The following ASS1 variants were observed in gnomAD, a reference collection of about 807,000 sequenced individuals.
ASS1 encodes argininosuccinate synthase.
ASS1 carries 58 observed loss-of-function variants against 60.5 expected under a neutral mutation model. The ratio of observed to expected loss-of-function variants is 0.96; its 90% confidence interval spans 0.78 to 1.19. The LOEUF is 1.19. ASS1 is among the 50% of genes most tolerant of loss of function. The probability of loss-of-function intolerance (pLI) is 0.00; values close to 1 mark genes in which losing one functional copy is unlikely to be tolerated. For missense variants in ASS1, 454 were observed against 547.3 expected (o/e 0.83, Z 1.70); for synonymous variants, 200 against 206.9 (o/e 0.97, Z 0.29).
intron 12 of ASS1, among the ~76,000 whole-genome samples, chr9:130,490,139 T>C (rs1305700722): frequency 6.6e-6 from 1 of 152,190 alleles, no homozygotes. Context: ...GTTTTGCAGG[T>C]GAGGAGCCCG....
In ASS1 at chr9:130,477,307, T is replaced by C. The variant is rs1036390836; in HGVS notation, c.688+346T>C. 1.4e-4 allele frequency among the ~76,000 whole-genome samples: 21 copies of C among 152,236 alleles called. No individual in the cohort carries two copies. The highest frequency in any genetic ancestry group is 4.8e-4 in the African/African-American group (20 of 41,550). On this transcript the variant is annotated intron_variant, in intron 9 of 14. Transcript: ENST00000352480. This position sits in a 1 kb window ranked among gnomAD's most constrained non-coding sequence, Gnocchi z 4.2. ...TCTGAGGATGAAAGAGTGCCTGCTG[T>C]TTTCCTGGGGTAGAATGAGGCCTGC... is the stretch of plus-strand genomic sequence containing the variant.
At chr9:130,492,768 G>A (rs1240344694) in intron 12 of ASS1, among the ~76,000 whole-genome samples, 1 of 152,232 alleles carries the variant, frequency 6.6e-6, no homozygotes, top group East Asian at 1.9e-4. Context: ...GCTGGGCCTA[G>A]CAGCACGGGG....
Position 130,458,484 on chromosome 9 carries a change from C to T in ASS1, c.258C>T (p.Arg86=). ...AGTCCAGCGCACTGTATGAGGACCG[C>T]TACCTCCTGGGCACCTCTCTTGCCA... ...AIQSSALYED[R]YLLGTSLARP... Residue 86 remains arginine, a synonymous_variant, in exon 4 of 15, where the codon CGC becomes CGT. Transcript: ENST00000352480. 1.2e-6 allele frequency: 2 copies of T among 1,612,640 alleles called. No homozygotes were observed. Among genetic ancestry groups the T allele is most frequent in the Non-Finnish European group, 1.7e-6 (2 of 1,179,874 alleles).
Position 130,487,743 on chromosome 9 carries a change from T to C in ASS1, c.839-1590T>C, listed in dbSNP as rs1020396716. On this transcript the variant is annotated intron_variant, in intron 11 of 14. Transcript: ENST00000352480. ...CCTTATGTTGATGCTGTGGCATGTG[T>C]CAGGATTTCCTTCCTTTTTTTTTTT... Among the ~76,000 whole-genome samples, 67 of 131,862 alleles carry C rather than the reference T, an allele frequency of 5.1e-4. 1 individual carries two copies. The highest frequency in any genetic ancestry group is 1.5e-4 in the Non-Finnish European group (9 of 60,192). 86.5% of individuals were successfully genotyped at this position (131,862 alleles called of 152,430 possible).
At chr9:130,474,961 A>G (rs1332671984) in intron 8 of ASS1, among the ~76,000 whole-genome samples, 3 of 152,200 alleles carry the variant, frequency 2.0e-5, no homozygotes, top group Non-Finnish European at 4.4e-5. Flanking sequence ...TGCCCCACAA[A>G]TGGGCACTGA....
chr9:130,471,383 AG>A, intron 7 of ASS1, 101 bp from the exon 8 acceptor site: 3 of 1,446,700 alleles, frequency 2.1e-6, no homozygotes, highest in African/African-American at 2.8e-5. Flanking sequence ...AGAGAGTAAA[AG>A]GCAGACCAGG....
rs1488245146 is a variant in ASS1, at chr9:130,471,372, CAG to C, written c.567-108_567-107del. ...GGCAGGTTGGCAGCAGATGCTCTGG[CAG>C]AGAGTAAAAGGCAGACCAGGCTCAT... On this transcript the variant is annotated intron_variant, in intron 7 of 14. Coordinates refer to ENST00000352480, the MANE Select transcript of ASS1 (RefSeq NM_054012.4). The C allele has an allele frequency of 6.7e-6, 9 of 1,348,350 alleles. No homozygotes were observed. In the East Asian group the frequency reaches 2.1e-4, roughly 31 times the overall value. The allele number at this position is 1,348,350 out of a possible 1,614,324, so 83.5% of individuals were successfully genotyped here. A position where few individuals can be genotyped will look rare whatever the true frequency, so the allele number is the denominator to read the frequency against.
chr9:130,465,354 A>G (rs1442369007), intron 5 of ASS1, among the ~76,000 whole-genome samples: 2 of 152,258 alleles, frequency 1.3e-5, no homozygotes, highest in Non-Finnish European at 2.9e-5. Context: ...AAATGAAACA[A>G]GTGACATGAT....
rs1469854111 is a variant in ASS1 at position 130,459,420 on chromosome 9, G to A, written c.363+831G>A. On this transcript the variant is annotated intron_variant, in intron 4 of 14. Transcript: ENST00000352480. This position sits in a 1 kb window ranked among gnomAD's most constrained non-coding sequence, Gnocchi z 4.6. Reference sequence around the variant, plus strand: ...CCTTCAATGACCTCATCTTAACTTGGTTACTTTTTGTGTGTGTGTGTGGGG... The same window carrying A: ...CCTTCAATGACCTCATCTTAACTTGATTACTTTTTGTGTGTGTGTGTGGGG... Among the ~76,000 whole-genome samples, 1 of 151,880 alleles carries A rather than the reference G, an allele frequency of 6.6e-6. No homozygotes were observed. The highest frequency in any genetic ancestry group is 1.5e-5 in the Non-Finnish European group (1 of 67,998).
intron 2 of ASS1, among the ~76,000 whole-genome samples, chr9:130,452,780 G>T (rs1845355695): frequency 1.3e-5 from 2 of 152,178 alleles, no homozygotes; most frequent in Non-Finnish European, 2.9e-5. Flanking sequence ...TTCTGGGATG[G>T]GAAATAGGTC....
At chr9:130,466,850 C>G in intron 6 of ASS1, 51 bp downstream of exon 6, 1 of 1,583,616 alleles carries the variant, frequency 6.3e-7, no homozygotes, top group South Asian at 1.1e-5. Context: ...AGCCCCCTTC[C>G]CGGGCACGTC....
intron 4 of ASS1, among the ~76,000 whole-genome samples, chr9:130,463,106 T>A (rs543521882): frequency 6.6e-6 from 1 of 152,358 alleles, no homozygotes; most frequent in East Asian, 1.9e-4. Flanking sequence ...CCCTGGATTC[T>A]GTGCCACCTG....
chr9:130,466,252 C>G (rs1845739841), intron 5 of ASS1, among the ~76,000 whole-genome samples: 1 of 152,168 alleles, frequency 6.6e-6, no homozygotes, highest in African/African-American at 2.4e-5. Flanking sequence ...AGTCTTCCCC[C>G]ACTTCTTTCC....
At chr9:130,449,831 A>G (rs1030853966) in intron 1 of ASS1, among the ~76,000 whole-genome samples, 7 of 152,158 alleles carry the variant, frequency 4.6e-5, no homozygotes, top group Non-Finnish European at 1.0e-4. Context: ...AACTTGCTAA[A>G]TTGGACACAA....
chr9:130,480,304 C>A, intron 10 of ASS1, 81 bp from the exon 11 acceptor site: 1 of 1,502,930 alleles, frequency 6.7e-7, no homozygotes, highest in South Asian at 1.1e-5. Flanking sequence ...AAGCTGTGCC[C>A]ACCCTGGGAC....
chr9:130,464,599 A>G (rs1359793146), intron 5 of ASS1, among the ~76,000 whole-genome samples: 1 of 151,982 alleles, frequency 6.6e-6, no homozygotes, highest in Non-Finnish European at 1.5e-5. Flanking sequence ...GCCCCCAGCT[A>G]TGCCTGGCTC....
intron 4 of ASS1, among the ~76,000 whole-genome samples, chr9:130,463,337 G>A (rs534897740): frequency 5.0e-4 from 76 of 152,344 alleles, no homozygotes; most frequent in African/African-American, 1.6e-3. Context: ...CCTCCTCCTC[G>A]GCATCAGTGT....
At chr9:130,445,321 G>A in intron 1 of ASS1, 2 of 821,160 alleles carry the variant, frequency 2.4e-6, no homozygotes, top group African/African-American at 1.9e-5. Flanking sequence ...ACTCCTTGTC[G>A]GATCCGGCTT....
chr9:130,487,924 T>A (rs918768166), intron 11 of ASS1, among the ~76,000 whole-genome samples: 3 of 152,106 alleles, frequency 2.0e-5, no homozygotes, highest in Non-Finnish European at 4.4e-5. Flanking sequence ...CTAAATTTTT[T>A]TGTTATTTTT....
Sources: gnomAD v4.1 joint callset for allele counts (sites outside exome capture counted in the v4.1 genomes callset) on GRCh38, gnomAD v4.1.1 for gene constraint, Gnocchi (gnomAD v3.1) non-coding constraint, MANE v1.5 for transcripts, NCBI Gene and HGNC (gene_info 2026-07-23, HGNC 2026-07-21) for gene names.